EIF3K: variants seen among roughly 807,000 people sequenced by gnomAD.
EIF3K encodes the protein eukaryotic translation initiation factor 3 subunit K.
Under a neutral mutation model 34.2 loss-of-function variants are expected in EIF3K, and 27 were observed. That is an observed-to-expected ratio of 0.79 (90% confidence interval 0.58 to 1.09). EIF3K has a LOEUF of 1.09. Among genes scored for constraint, EIF3K ranks in the 50% least tolerant of loss-of-function variants. The pLI, the probability that EIF3K is intolerant of heterozygous loss-of-function variation, is 0.00. For missense variants in EIF3K, 232 were observed against 275.4 expected (o/e 0.84, Z 1.11); for synonymous variants, 105 against 105.7 (o/e 0.99, Z 0.04).
chr19:38,619,330 C>A lies in EIF3K; in HGVS notation c.59+3C>A, dbSNP rs376864603. The A allele has an allele frequency of 1.1e-5, 18 of 1,613,824 alleles. No homozygotes were observed. In the African/African-American group the frequency reaches 2.3e-4, roughly 20 times the overall value. ...AAGTTGCTCAAGGGTATCGACAGGT[C>A]TGAGCCCGGTTGGAGGAAGCGCTCT... On this transcript the variant is annotated splice_donor_region_variant and intron_variant, in intron 1 of 7. Transcript: ENST00000248342.
intron 6 of EIF3K, chr19:38,633,020 A>T (rs954880099): frequency 3.9e-6 from 1 of 254,200 alleles, no homozygotes; most frequent in East Asian, 8.4e-5. Flanking sequence ...CCTGTCATGA[A>T]GGAAAGCAAG....
chr19:38,624,652 C>T (rs1019280614), intron 3 of EIF3K, among the ~76,000 whole-genome samples: 5 of 151,954 alleles, frequency 3.3e-5, no homozygotes, highest in Admixed American at 1.3e-4. Flanking sequence ...GCAGGAGGAT[C>T]ACTTGAAGCT....
chr19:38,629,474 G>T (rs900424598), intron 4 of EIF3K, among the ~76,000 whole-genome samples: 2 of 152,106 alleles, frequency 1.3e-5, no homozygotes, highest in Middle Eastern at 6.8e-3. Context: ...TTTTCTATTT[G>T]TAGTAGAGGT....
intron 1 of EIF3K, among the ~76,000 whole-genome samples, 191 bp from the exon 2 acceptor site, chr19:38,620,146 G>A (rs1242769713): frequency 6.6e-6 from 1 of 152,160 alleles, no homozygotes; most frequent in African/African-American, 2.4e-5. Context: ...TTAGGCGAGA[G>A]GTCTGGGATA....
chr19:38,624,613 C>T (rs1975909903), intron 3 of EIF3K, among the ~76,000 whole-genome samples: 1 of 152,136 alleles, frequency 6.6e-6, no homozygotes, highest in Non-Finnish European at 1.5e-5. Flanking sequence ...TGGCACACAC[C>T]TATAGTCCCA....
chr19:38,632,686 C>T lies in EIF3K; in HGVS notation c.499+8C>T, dbSNP rs1309875567. Reference sequence around the variant, plus strand: ...TGCTCGGGGATCTGTCGGGTAACGCCCTCTGGGTCCTGGTGCACATCTGGG... The same window carrying T: ...TGCTCGGGGATCTGTCGGGTAACGCTCTCTGGGTCCTGGTGCACATCTGGG... On this transcript the variant is annotated splice_region_variant and intron_variant, in intron 6 of 7. Transcript: ENST00000248342. 2.5e-6 allele frequency: 4 copies of T among 1,607,758 alleles called. No homozygotes were observed. Among genetic ancestry groups the T allele is most frequent in the Middle Eastern group, 1.7e-4 (1 of 6,008 alleles).
chr19:38,620,259 C>T, intron 1 of EIF3K, 78 bp from the exon 2 acceptor site: 1 of 1,224,544 alleles, frequency 8.2e-7, no homozygotes, highest in South Asian at 1.3e-5. Flanking sequence ...GAGCAGGTTA[C>T]AGTGGCCCCT....
intron 3 of EIF3K, among the ~76,000 whole-genome samples, chr19:38,624,713 G>A (rs1277599511): frequency 6.6e-6 from 1 of 152,044 alleles, no homozygotes. Flanking sequence ...ACTCCACCCT[G>A]GGTGACACAG....
At chr19:38,631,855 C>T (rs149703648) in intron 4 of EIF3K, among the ~76,000 whole-genome samples, 23 of 152,312 alleles carry the variant, frequency 1.5e-4, no homozygotes, top group African/African-American at 5.5e-4. Context: ...GGTGATGACT[C>T]TCAAGGAGCA....
chr19:38,623,293 C>T (rs975401385), intron 2 of EIF3K, among the ~76,000 whole-genome samples: 1 of 152,336 alleles, frequency 6.6e-6, no homozygotes, highest in Non-Finnish European at 1.5e-5. Flanking sequence ...CGTTTGGGGT[C>T]CCTGACTTCC....
intron 5 of EIF3K, 49 bp downstream of exon 5, chr19:38,632,545 T>A: frequency 9.3e-6 from 15 of 1,613,062 alleles, no homozygotes; most frequent in Non-Finnish European, 1.3e-5. Flanking sequence ...GGGTAGGGAG[T>A]GGCAGCCAGG....
At chr19:38,621,903 CTTTTTTTTTTTT>C (rs914363057) in intron 2 of EIF3K, among the ~76,000 whole-genome samples, 3 of 111,504 alleles carry the variant, frequency 2.7e-5, no homozygotes, top group Non-Finnish European at 3.7e-5. Flanking sequence ...TCTTCGTGCC[CTTTTTTTTTTTT>C]TTTTTTTTTT....
chr19:38,625,585 C>T (rs1975933025), intron 3 of EIF3K, among the ~76,000 whole-genome samples: 1 of 150,580 alleles, frequency 6.6e-6, no homozygotes, highest in Non-Finnish European at 1.5e-5. Context: ...TCTTGGCTCA[C>T]TACAACCTCC....
chr19:38,622,687 C>T lies in EIF3K; in HGVS notation c.159-1390C>T, dbSNP rs143843848. 3.1e-3 allele frequency among the ~76,000 whole-genome samples: 479 copies of T among 152,334 alleles called. 3 individuals carry two copies. Among genetic ancestry groups the T allele is most frequent in the African/African-American group, 0.011 (449 of 41,574 alleles). On this transcript the variant is annotated intron_variant, in intron 2 of 7. Transcript: ENST00000248342. ...CGGGAATTTCCTCTTCCTAATAAGC[C>T]TGGGAACGCTATGGGAGACGAGTTT... is the stretch of plus-strand genomic sequence containing the variant.
Position 38,632,608 on chromosome 19 carries a change from C to T in EIF3K, c.429C>T (p.Cys143=). Residue 143 remains cysteine, a synonymous_variant, in exon 6 of 8, where the codon TGC becomes TGT. Coordinates refer to ENST00000248342, the MANE Select transcript of EIF3K (RefSeq NM_013234.4). ...TGTCTCTGACCTCCACAGTTATCTG[C>T]CATGTTGTGGGTATCACTTACCAGC... ...GFEDSVRKFI[C]HVVGITYQHI... 1.2e-6 allele frequency: 2 copies of T among 1,613,882 alleles called. No homozygotes were observed. The highest frequency in any genetic ancestry group is 1.7e-6 in the Non-Finnish European group (2 of 1,179,880).
At chr19:38,622,765 G>A (rs1975870127) in intron 2 of EIF3K, among the ~76,000 whole-genome samples, 2 of 152,216 alleles carry the variant, frequency 1.3e-5, no homozygotes, top group South Asian at 2.1e-4. Context: ...CGGGGGGCCC[G>A]TTCAGAGACC....
intron 3 of EIF3K, among the ~76,000 whole-genome samples, chr19:38,625,800 A>T (rs1241910578): frequency 2.6e-5 from 4 of 152,184 alleles, no homozygotes. Context: ...GTGAGCCACC[A>T]GGACTGGCAT....
Position 38,635,126 on chromosome 19 carries a change from G to A in EIF3K, c.625+8G>A, listed in dbSNP as rs1976162658. 4 of 1,614,170 alleles carry A rather than the reference G, an allele frequency of 2.5e-6. No individual in the cohort carries two copies. Among genetic ancestry groups the A allele is most frequent in the Non-Finnish European group, 3.4e-6 (4 of 1,180,044 alleles). ...AGAAGATTGACTTTGACAGTGAGTG[G>A]TGACCCACGGCCTCGGGCTTTGGGG... On this transcript the variant is annotated splice_region_variant and intron_variant, in intron 7 of 7. Coordinates refer to ENST00000248342, the MANE Select transcript of EIF3K (RefSeq NM_013234.4).
intron 4 of EIF3K, among the ~76,000 whole-genome samples, chr19:38,628,766 G>C (rs534459586): frequency 9.6e-4 from 146 of 152,120 alleles, no homozygotes; most frequent in Non-Finnish European, 1.7e-3. Flanking sequence ...GGAGATTGCG[G>C]TGAGCCGAGA....
Sources: gnomAD v4.1 joint callset for allele counts (sites outside exome capture counted in the v4.1 genomes callset) on GRCh38, gnomAD v4.1.1 for gene constraint, MANE v1.5 for transcripts, NCBI Gene and HGNC (gene_info 2026-07-23, HGNC 2026-07-21) for gene names.